Variants in AGBL4 observed in about 807,000 individuals in gnomAD.
AGBL4 encodes the protein AGBL carboxypeptidase 4.
Under a neutral mutation model 66.4 loss-of-function variants are expected in AGBL4, and 58 were observed. The observed-to-expected ratio is 0.87, with a 90% confidence interval of 0.71 to 1.09. The LOEUF is 1.09. AGBL4 is among the 50% of genes least tolerant of loss of function. The probability of loss-of-function intolerance (pLI) is 0.00; values close to 1 mark genes in which losing one functional copy is unlikely to be tolerated. For missense variants in AGBL4, 579 were observed against 631.0 expected (o/e 0.92, Z 0.88); for synonymous variants, 234 against 222.9 (o/e 1.05, Z -0.44).
chr1:49,238,559 C>T (rs890526512), intron 4 of AGBL4, among the ~76,000 whole-genome samples: 7 of 152,190 alleles, frequency 4.6e-5, no homozygotes, highest in East Asian at 3.8e-4. Context: ...CCCAGCAGAA[C>T]GAAAGTCCTG....
At chr1:49,562,526 T>G (rs965418941) in intron 3 of AGBL4, among the ~76,000 whole-genome samples, 1 of 152,208 alleles carries the variant, frequency 6.6e-6, no homozygotes, top group Non-Finnish European at 1.5e-5. Context: ...TTTCTGCTTA[T>G]GGCTAGCCAG....
chr1:48,654,026 T>C (rs1645979684), intron 7 of AGBL4, among the ~76,000 whole-genome samples: 1 of 152,170 alleles, frequency 6.6e-6, no homozygotes, highest in African/African-American at 2.4e-5. Context: ...ATTTTGAGGA[T>C]CCTCTGTTCC....
intron 3 of AGBL4, among the ~76,000 whole-genome samples, chr1:49,617,546 A>C (rs1645272808): frequency 6.6e-6 from 1 of 152,240 alleles, no homozygotes; most frequent in Non-Finnish European, 1.5e-5. Flanking sequence ...TTATGTTCTT[A>C]CAACAACAAA....
At chr1:49,217,686 A>G (rs1557738298) in intron 4 of AGBL4, among the ~76,000 whole-genome samples, 1 of 152,160 alleles carries the variant, frequency 6.6e-6, no homozygotes, top group Non-Finnish European at 1.5e-5. Flanking sequence ...CACTCAATAA[A>G]AGATGGTTGA....
intron 6 of AGBL4, among the ~76,000 whole-genome samples, chr1:48,677,444 G>C (rs908770207): frequency 2.6e-5 from 4 of 152,174 alleles, no homozygotes; most frequent in African/African-American, 9.7e-5. Context: ...AGGCTCCTAG[G>C]AGGGTAGGAG....
intron 3 of AGBL4, among the ~76,000 whole-genome samples, chr1:49,461,778 G>T (rs1646518543): frequency 2.6e-5 from 4 of 151,584 alleles, no homozygotes. Context: ...TTTCATCCAA[G>T]TCCCTGCAAA....
chr1:48,577,185 T>C (rs1644667389), intron 11 of AGBL4, among the ~76,000 whole-genome samples: 1 of 152,192 alleles, frequency 6.6e-6, no homozygotes, highest in African/African-American at 2.4e-5. Context: ...GTCTTTCCAC[T>C]TTTGGGCTCT....
intron 3 of AGBL4, among the ~76,000 whole-genome samples, chr1:49,537,402 A>G (rs998882998): frequency 6.6e-6 from 1 of 152,210 alleles, no homozygotes; most frequent in Non-Finnish European, 1.5e-5. Context: ...CTCACAGGGG[A>G]CTAATATCCA....
intron 1 of AGBL4, among the ~76,000 whole-genome samples, chr1:49,896,608 AACACACACACACACACACACACAC>A (rs58132063): frequency 2.2e-5 from 3 of 133,726 alleles, no homozygotes; most frequent in East Asian, 4.6e-4. Context: ...GACCCATGAA[AACACACACACACACACACACACAC>A]ACACACACAC....
intron 2 of AGBL4, among the ~76,000 whole-genome samples, chr1:49,814,220 G>T (rs995223353): frequency 2.0e-5 from 3 of 152,112 alleles, no homozygotes; most frequent in African/African-American, 7.2e-5. Context: ...CATTTCAGCA[G>T]AGATGTGAAT....
chr1:49,006,334 C>T (rs575397690), intron 5 of AGBL4, among the ~76,000 whole-genome samples: 10 of 152,280 alleles, frequency 6.6e-5, no homozygotes, highest in East Asian at 5.8e-4. Flanking sequence ...TAAAAAACGG[C>T]GCACCACGAG....
At chr1:49,696,102 A>C (rs1646978198) in intron 3 of AGBL4, among the ~76,000 whole-genome samples, 1 of 152,124 alleles carries the variant, frequency 6.6e-6, no homozygotes, top group African/African-American at 2.4e-5. Context: ...ATACTAGCAA[A>C]AGACAACATA....
At chr1:48,898,338 T>C (rs1333508576) in intron 5 of AGBL4, among the ~76,000 whole-genome samples, 6 of 152,236 alleles carry the variant, frequency 3.9e-5, no homozygotes, top group Non-Finnish European at 7.3e-5. Context: ...TTTGCTTTGT[T>C]GTCTGTGCTT....
chr1:48,991,541 G>C (rs534150926), intron 5 of AGBL4, among the ~76,000 whole-genome samples: 1 of 152,060 alleles, frequency 6.6e-6, no homozygotes, highest in African/African-American at 2.4e-5. Context: ...AAAGTTCTTT[G>C]TTATTATCCT....
intron 1 of AGBL4, among the ~76,000 whole-genome samples, chr1:50,021,508 C>T (rs1225982209): frequency 6.6e-6 from 1 of 152,146 alleles, no homozygotes; most frequent in Non-Finnish European, 1.5e-5. Context: ...TTCCAATGCT[C>T]CCTATCCCAA....
intron 6 of AGBL4, among the ~76,000 whole-genome samples, chr1:48,669,203 CTT>C (rs1301447051): frequency 6.6e-6 from 1 of 152,192 alleles, no homozygotes; most frequent in Admixed American, 6.5e-5. Flanking sequence ...AGTTTCCTCA[CTT>C]ATAAGATGAG....
Position 48,533,896 on chromosome 1 carries a change from T to A in AGBL4, c.*277A>T, listed in dbSNP as rs1351470305. ...AAAAGGGATGTGTAGGTTTTCCTCA[T>A]CTTGGAAGATCTCTATGTTGTAGAA... On this transcript the variant is annotated 3_prime_UTR_variant, in exon 14 of 14. Transcript: ENST00000371839. 6.7e-6 allele frequency: 3 copies of A among 450,252 alleles called. No homozygotes were observed. The highest frequency in any genetic ancestry group is 1.2e-5 in the Non-Finnish European group (3 of 245,172). The allele number at this position is 450,252 out of a possible 1,614,324, so 27.9% of individuals were successfully genotyped here. A position where few individuals can be genotyped will look rare whatever the true frequency, so the allele number is the denominator to read the frequency against.
At chr1:48,761,399 C>T (rs1357161471) in intron 6 of AGBL4, 1 of 1,551,644 alleles carries the variant, frequency 6.4e-7, no homozygotes, top group Non-Finnish European at 8.7e-7. Flanking sequence ...TCTTCTTCTA[C>T]ATGATTAAGA....
Position 49,332,361 on chromosome 1 carries a change from T to A in AGBL4, c.283-86497A>T, listed in dbSNP as rs181317594. 6.4e-4 allele frequency among the ~76,000 whole-genome samples: 98 copies of A among 152,266 alleles called. No homozygotes were observed. In the East Asian group the frequency reaches 0.018, roughly 28 times the overall value. On this transcript the variant is annotated intron_variant, in intron 3 of 13. Transcript: ENST00000371839. ...TTAATAAGGAATTTAAAACTTCCCA[T>A]CAAATAAAACACCAGGCCAGATTAT...
Sources: gnomAD v4.1 joint callset for allele counts (sites outside exome capture counted in the v4.1 genomes callset) on GRCh38, gnomAD v4.1.1 for gene constraint, MANE v1.5 for transcripts, NCBI Gene and HGNC (gene_info 2026-07-23, HGNC 2026-07-21) for gene names.